PDE5A: variants seen among roughly 807,000 people sequenced by gnomAD.
PDE5A encodes the protein phosphodiesterase 5A.
A neutral mutation model predicts 110.2 loss-of-function variants in PDE5A; 67 were observed. The observed-to-expected ratio is 0.61, with a 90% CI of 0.50 to 0.75. PDE5A has a LOEUF of 0.75. Among genes scored for constraint, PDE5A ranks in the 30% least tolerant of loss-of-function variants. PDE5A has a pLI of 0.00. For synonymous variants in PDE5A, 328 were observed against 351.2 expected, an observed-to-expected ratio of 0.93 and a Z score of 0.74; for missense variants, 862 against 1,045.1, an observed-to-expected ratio of 0.82 and a Z score of 2.42.
rs201006847 is a variant in PDE5A at position 119,628,677 on chromosome 4, G to C, written c.-6C>G. 29 of 1,611,186 alleles carry C rather than the reference G, an allele frequency of 1.8e-5. No individual in the cohort carries two copies. The highest frequency in any genetic ancestry group is 2.4e-5 in the Non-Finnish European group (28 of 1,179,826). The stretch of plus-strand genomic sequence containing the variant: ...CTGGGGCCGGCCCGCTCCATGGTTG[G>C]CACCGCGCGCCTCGGAGGCTCTCTG... On this transcript the variant is annotated 5_prime_UTR_variant, in exon 1 of 21. Transcript: ENST00000354960.
chr4:119,574,843 G>C (rs1031992483), intron 3 of PDE5A, among the ~76,000 whole-genome samples: 1 of 152,202 alleles, frequency 6.6e-6, no homozygotes, highest in South Asian at 2.1e-4. Flanking sequence ...TGTGGTTATA[G>C]ATATCAGAAC....
Position 119,560,296 on chromosome 4 carries a change from CTTG to C in PDE5A, c.1196_1198del (p.Thr399del). On this transcript the variant is annotated inframe_deletion and splice_region_variant, in exon 7 of 21. Coordinates refer to ENST00000354960, the MANE Select transcript of PDE5A (RefSeq NM_001083.4). ...ACAAGTAGAGAATACGTGCTTTTAC[CTTG>C]TTAATGTATCAGATGATTTTTCTAA... The C allele has an allele frequency of 1.9e-6, 3 of 1,559,526 alleles. No homozygotes were observed. Among genetic ancestry groups the C allele is most frequent in the Non-Finnish European group, 2.6e-6 (3 of 1,142,396 alleles).
intron 2 of PDE5A, among the ~76,000 whole-genome samples, chr4:119,598,619 T>C (rs1172797519): frequency 2.0e-5 from 3 of 152,176 alleles, no homozygotes; most frequent in Non-Finnish European, 4.4e-5. Context: ...AAGACATCTA[T>C]AAGACTAGAC....
At chr4:119,601,159 G>A (rs1342879933) in intron 2 of PDE5A, among the ~76,000 whole-genome samples, 1 of 152,096 alleles carries the variant, frequency 6.6e-6, no homozygotes, top group East Asian at 1.9e-4. Context: ...CTAATGAGGT[G>A]AGCCCTAGAA....
chr4:119,588,008 C>T (rs1728825669), intron 3 of PDE5A, among the ~76,000 whole-genome samples: 1 of 152,188 alleles, frequency 6.6e-6, no homozygotes, highest in South Asian at 2.1e-4. Context: ...GAGATAAACA[C>T]AGCAGGGCAC....
chr4:119,524,223 T>G (rs1325335183), intron 12 of PDE5A, among the ~76,000 whole-genome samples: 1 of 151,962 alleles, frequency 6.6e-6, no homozygotes, highest in Admixed American at 6.6e-5. Context: ...AGAATATGAG[T>G]GATTAATTGC....
intron 3 of PDE5A, among the ~76,000 whole-genome samples, chr4:119,590,531 G>A (rs889456870): frequency 2.6e-5 from 4 of 152,080 alleles, no homozygotes; most frequent in African/African-American, 9.7e-5. Context: ...TTCTCTAGAA[G>A]GGAGTAGGGA....
chr4:119,610,504 TCTC>T (rs35105657), intron 1 of PDE5A, among the ~76,000 whole-genome samples: 1,971 of 152,078 alleles, frequency 0.013, 43 homozygotes, highest in African/African-American at 0.045. Context: ...GAAATGGAGA[TCTC>T]CTTTTGAATT....
chr4:119,529,378 G>A (rs1726447072), intron 11 of PDE5A, among the ~76,000 whole-genome samples: 1 of 152,128 alleles, frequency 6.6e-6, no homozygotes, highest in Non-Finnish European at 1.5e-5. Context: ...TTTCTAGTGA[G>A]TCTTCATCTT....
chr4:119,520,088 C>T (rs1726069218), intron 13 of PDE5A, among the ~76,000 whole-genome samples: 1 of 152,118 alleles, frequency 6.6e-6, no homozygotes. Context: ...GATACTCAAC[C>T]TACACGTGTT....
intron 3 of PDE5A, among the ~76,000 whole-genome samples, chr4:119,593,038 T>C (rs959195228): frequency 2.0e-5 from 3 of 152,146 alleles, no homozygotes; most frequent in African/African-American, 7.2e-5. Flanking sequence ...TTAAATCATC[T>C]CTCAGTAGAA....
At chr4:119,541,593 T>C (rs1726930804) in intron 10 of PDE5A, among the ~76,000 whole-genome samples, 1 of 152,088 alleles carries the variant, frequency 6.6e-6, no homozygotes, top group Non-Finnish European at 1.5e-5. Context: ...TATGTCTCTC[T>C]AGCTCTTTAA....
chr4:119,520,321 C>T (rs1292427968), intron 13 of PDE5A, among the ~76,000 whole-genome samples: 2 of 152,016 alleles, frequency 1.3e-5, no homozygotes, highest in East Asian at 1.9e-4. Context: ...AATAACTAGT[C>T]GATTCCCACT....
chr4:119,508,321 G>A (rs1725625096), intron 15 of PDE5A, among the ~76,000 whole-genome samples: 2 of 151,958 alleles, frequency 1.3e-5, no homozygotes, highest in Admixed American at 1.3e-4. Flanking sequence ...ATCATTCAAA[G>A]TTTTCACTAT....
intron 3 of PDE5A, among the ~76,000 whole-genome samples, chr4:119,593,399 T>TA (rs1219489283): frequency 2.6e-5 from 4 of 152,094 alleles, no homozygotes; most frequent in African/African-American, 9.7e-5. Flanking sequence ...CACTCAGCAA[T>TA]AAAAAGGTAC....
At chr4:119,531,973 C>T (rs1260012506) in intron 11 of PDE5A, among the ~76,000 whole-genome samples, 1 of 152,098 alleles carries the variant, frequency 6.6e-6, no homozygotes, top group Non-Finnish European at 1.5e-5. Flanking sequence ...ATCTCAGTGT[C>T]CCTCAACATG....
chr4:119,602,958 T>G (rs1729394803), intron 2 of PDE5A, among the ~76,000 whole-genome samples: 1 of 152,190 alleles, frequency 6.6e-6, no homozygotes, highest in South Asian at 2.1e-4. Context: ...AGTTTTGCAC[T>G]CTAATTGACT....
At chr4:119,545,721 G>A (rs905669121) in intron 9 of PDE5A, among the ~76,000 whole-genome samples, 8 of 152,072 alleles carry the variant, frequency 5.3e-5, no homozygotes, top group Non-Finnish European at 7.4e-5. Context: ...TCTTGGGATC[G>A]GATGTTGTTA....
chr4:119,504,614 A>T lies in PDE5A; in HGVS notation c.2268-15T>A, dbSNP rs1176241877. 6.2e-7 allele frequency: 1 copy of T among 1,607,294 alleles called. No individual in the cohort carries two copies. Among genetic ancestry groups the T allele is most frequent in the East Asian group, 2.2e-5 (1 of 44,762 alleles). ...TCAGCATTGCCCTGTTATGGAAAAA[A>T]GAAACCCAAAACTCCTATTTACTTT... is the stretch of plus-strand genomic sequence containing the variant. On this transcript the variant is annotated splice_polypyrimidine_tract_variant and intron_variant, in intron 17 of 20. Coordinates refer to ENST00000354960, the MANE Select transcript of PDE5A (RefSeq NM_001083.4).
Sources: allele counts gnomAD v4.1 joint callset (sites outside exome capture counted in the v4.1 genomes callset), GRCh38; gene constraint gnomAD v4.1.1; transcripts MANE v1.5; gene names NCBI Gene and HGNC (gene_info 2026-07-23, HGNC 2026-07-21).